The following ACSBG1 variants were observed in gnomAD, a reference collection of about 807,000 sequenced individuals.
ACSBG1 encodes acyl-CoA synthetase bubblegum family member 1, also known as long-chain-fatty-acid--CoA ligase ACSBG1.
A neutral mutation model predicts 80.2 loss-of-function variants in ACSBG1; 39 were observed. That is an observed-to-expected ratio of 0.49 (90% CI 0.38 to 0.64). ACSBG1 has a LOEUF of 0.64. Among genes scored for constraint, ACSBG1 ranks in the 30% least tolerant of loss-of-function variants. The pLI is 0.00. For missense variants in ACSBG1, 828 were observed against 966.4 expected, an observed-to-expected ratio of 0.86 and a Z score of 1.90; for synonymous variants, 392 against 379.5, an observed-to-expected ratio of 1.03 and a Z score of -0.38.
chr15:78,227,049 G>T (rs1257048136), intron 1 of ACSBG1, among the ~76,000 whole-genome samples: 2 of 150,118 alleles, frequency 1.3e-5, no homozygotes, highest in African/African-American at 4.9e-5. Flanking sequence ...GTGAAACCTG[G>T]TCTCTACTAA....
At position 78,177,575 on chromosome 15, in the gene ACSBG1, C is replaced by T. The variant is rs140245319; in HGVS notation, c.1702+1039G>A. Among the ~76,000 whole-genome samples the T allele has an allele frequency of 1.3e-5, 2 of 152,282 alleles. No homozygotes were observed. Among genetic ancestry groups the T allele is most frequent in the Non-Finnish European group, 2.9e-5 (2 of 68,028 alleles). On this transcript the variant is annotated intron_variant, in intron 11 of 13. Coordinates refer to ENST00000258873, the MANE Select transcript of ACSBG1 (RefSeq NM_015162.5). This position sits in a 1 kb window ranked among gnomAD's most constrained non-coding sequence, Gnocchi z 4.1. ...GGCACACTAGGCGGCGCCCATGGCA[C>T]ATCCAAGCAGTCACCTGTTGCTCCC...
chr15:78,171,589 T>C (rs2074823321), intron 13 of ACSBG1, 60 bp from the exon 14 acceptor site: 1 of 1,414,038 alleles, frequency 7.1e-7, no homozygotes. Context: ...TGAGAATGTG[T>C]GTGGTAAAGA....
intron 2 of ACSBG1, among the ~76,000 whole-genome samples, chr15:78,202,858 T>C (rs2075181113): frequency 6.6e-6 from 1 of 152,162 alleles, no homozygotes; most frequent in Non-Finnish European, 1.5e-5. Flanking sequence ...TGGAGATGGA[T>C]ATCCATACAG....
chr15:78,223,166 T>C (rs1009515320), intron 1 of ACSBG1, among the ~76,000 whole-genome samples: 1 of 151,974 alleles, frequency 6.6e-6, no homozygotes, highest in Non-Finnish European at 1.5e-5. Flanking sequence ...TGACCCACCA[T>C]GTCAGAAGTC....
chr15:78,209,088 A>T (rs12904111), intron 1 of ACSBG1: 1 of 424,986 alleles, frequency 2.4e-6, no homozygotes, highest in Non-Finnish European at 4.7e-6. Flanking sequence ...CCTGTCTGTC[A>T]GTTAGGGTGG....
At position 78,182,681 on chromosome 15, in the gene ACSBG1, C is replaced by T. The variant is rs367814204; in HGVS notation, c.744+24G>A. The T allele has an allele frequency of 2.0e-5, 33 of 1,613,868 alleles. No individual in the cohort carries two copies. In the Admixed American group the frequency reaches 2.5e-4, roughly 12 times the overall value. On this transcript the variant is annotated intron_variant, in intron 6 of 13. Transcript: ENST00000258873. The stretch of plus-strand genomic sequence containing the variant: ...GGTGGGCCCAATAGGCCCCACCTGG[C>T]GCCCAGGGCCCCACTGCCCATACCG...
In ACSBG1 at chr15:78,180,742, G is replaced by A; in HGVS notation, c.1253+13C>T. On this transcript the variant is annotated intron_variant, in intron 9 of 13. Transcript: ENST00000258873. ...CTCTCTCCCCAGGCCTCCCGCCCGT[G>A]GGCCCTCTGTACCTGCCGGGGCAGG... 4 of 1,611,426 alleles carry A rather than the reference G, an allele frequency of 2.5e-6. No homozygotes were observed. The highest frequency in any genetic ancestry group is 2.5e-6 in the Non-Finnish European group (3 of 1,178,318).
rs1469318821 is a variant in ACSBG1, at chr15:78,167,573, TCA to T, written c.*3869_*3870del. ...TACAGTTCAATAATGTTAAGTACAT[TCA>T]CATTGTAATGTAACCATCACCATCA... On this transcript the variant is annotated 3_prime_UTR_variant, in exon 14 of 14. Transcript: ENST00000258873. The T allele has an allele frequency of 6.6e-6, 1 of 152,234 alleles. No homozygotes were observed. The highest frequency in any genetic ancestry group is 6.5e-5 in the Admixed American group (1 of 15,286). The allele number at this position is 152,234 out of a possible 1,614,324, so 9.4% of individuals were successfully genotyped here.
chr15:78,227,263 T>C (rs574445324), intron 1 of ACSBG1, among the ~76,000 whole-genome samples: 1 of 119,872 alleles, frequency 8.3e-6, no homozygotes, highest in South Asian at 2.8e-4. Context: ...ATTAATAAAA[T>C]GAAGATAAGC....
At position 78,180,933 on chromosome 15, in the gene ACSBG1, T is replaced by C; in HGVS notation, c.1075A>G (p.Ser359Gly). Residue 359 changes from serine (S) to glycine (G), a missense_variant, in exon 9 of 14, where the codon AGC becomes GGC. Coordinates refer to ENST00000258873, the MANE Select transcript of ACSBG1 (RefSeq NM_015162.5). ...ACCTCCCGCAGCGTGTTCACCAGGC[T>C]CCCCTGTTCACACCAGAAGAGGCAG... ...CFAEPDALKGSLVNTLREVEP... is the reference protein window; with the variant it reads ...CFAEPDALKGGLVNTLREVEP... 1 of 1,613,526 alleles carries C rather than the reference T, an allele frequency of 6.2e-7. No individual in the cohort carries two copies. Among genetic ancestry groups the C allele is most frequent in the South Asian group, 1.1e-5 (1 of 91,034 alleles).
At chr15:78,176,277 A>G (rs888106173) in intron 11 of ACSBG1, among the ~76,000 whole-genome samples, 3 of 152,150 alleles carry the variant, frequency 2.0e-5, no homozygotes, top group South Asian at 2.1e-4. Flanking sequence ...GATGACCACT[A>G]TCACCACTTC....
intron 5 of ACSBG1, among the ~76,000 whole-genome samples, chr15:78,185,969 G>A (rs1425130398): frequency 6.6e-6 from 1 of 152,182 alleles, no homozygotes; most frequent in Non-Finnish European, 1.5e-5. Flanking sequence ...AAGACAAGCT[G>A]AAAGAATGTA....
At chr15:78,231,266 A>T (rs900125166) in intron 1 of ACSBG1, among the ~76,000 whole-genome samples, 2 of 151,352 alleles carry the variant, frequency 1.3e-5, no homozygotes, top group African/African-American at 4.9e-5. Flanking sequence ...GATTATAGGC[A>T]TGCGCCACCA....
chr15:78,174,941 C>A, intron 11 of ACSBG1: 1 of 188,830 alleles, frequency 5.3e-6, no homozygotes, highest in Non-Finnish European at 1.1e-5. Context: ...TTAACTGTCA[C>A]AATAAACCAA....
intron 2 of ACSBG1, among the ~76,000 whole-genome samples, chr15:78,205,086 C>G (rs1468489836): frequency 6.6e-6 from 1 of 152,108 alleles, no homozygotes; most frequent in Non-Finnish European, 1.5e-5. Flanking sequence ...CGGGTGCCCT[C>G]CCCTCTCTGT....
chr15:78,224,468 C>A (rs7182829), intron 1 of ACSBG1, among the ~76,000 whole-genome samples: 72,102 of 152,034 alleles, frequency 0.47, 17,487 homozygotes, highest in East Asian at 0.64. Flanking sequence ...TCCTGTAATC[C>A]CAGCACTTTG....
At chr15:78,184,824 A>G (rs970877173) in intron 5 of ACSBG1, among the ~76,000 whole-genome samples, 4 of 152,218 alleles carry the variant, frequency 2.6e-5, no homozygotes, top group East Asian at 1.9e-4. Flanking sequence ...CCAGGGCCCC[A>G]GTGCCCATAC....
At chr15:78,210,708 G>C (rs1388296208) in intron 1 of ACSBG1, among the ~76,000 whole-genome samples, 1 of 152,192 alleles carries the variant, frequency 6.6e-6, no homozygotes, top group African/African-American at 2.4e-5. Flanking sequence ...CAAACTCCTA[G>C]GCTCAAGCAA....
chr15:78,173,461 G>T, intron 13 of ACSBG1, 132 bp downstream of exon 13: 1 of 1,246,160 alleles, frequency 8.0e-7, no homozygotes, highest in Non-Finnish European at 1.1e-6. Context: ...ACAGGAAGTA[G>T]ATGGGTGTCA....
Sources: gnomAD v4.1 joint callset for allele counts (sites outside exome capture counted in the v4.1 genomes callset) on GRCh38, gnomAD v4.1.1 for gene constraint, Gnocchi (gnomAD v3.1) non-coding constraint, MANE v1.5 for transcripts, NCBI Gene and HGNC (gene_info 2026-07-23, HGNC 2026-07-21) for gene names.